DMD: variants seen among roughly 807,000 people sequenced by gnomAD.
DMD encodes dystrophin.
In DMD, 63 loss-of-function variants were observed where a neutral mutation model predicts 330.1. The ratio of observed to expected loss-of-function variants is 0.19; its 90% confidence interval spans 0.16 to 0.24. The LOEUF (loss-of-function observed/expected upper bound fraction) is 0.24, where lower values mean the gene tolerates loss of function less well. Ranked by LOEUF, DMD falls within the 10% of genes least tolerant of loss-of-function variation. The probability of loss-of-function intolerance (pLI) is 1.00; values close to 1 mark genes in which losing one functional copy is unlikely to be tolerated. For synonymous variants in DMD, 1,223 were observed against 959.8 expected (o/e 1.27, Z -5.07); for missense variants, 3,344 against 2,684.1 (o/e 1.25, Z -5.43).
At chrX:31,166,146 T>A (rs958267535) in intron 74 of DMD, among the ~76,000 whole-genome samples, 1 of 112,317 alleles carries the variant, frequency 8.9e-6, no homozygotes, top group Non-Finnish European at 1.9e-5. Context: ...TTAAAATAAA[T>A]TCAGCTTCAA....
intron 47 of DMD, among the ~76,000 whole-genome samples, chrX:31,910,005 C>A (rs762428813): frequency 1.8e-5 from 2 of 112,091 alleles, no homozygotes; most frequent in African/African-American, 6.5e-5. Flanking sequence ...AGAAGACTTG[C>A]GAAAGCAAAG....
At chrX:32,006,424 C>G (rs2095661633) in intron 44 of DMD, among the ~76,000 whole-genome samples, 1 of 111,553 alleles carries the variant, frequency 9.0e-6, no homozygotes, top group East Asian at 2.8e-4. Context: ...TATTCCAAGT[C>G]TAAAAATAAT....
chrX:32,918,092 T>C (rs886962351), intron 2 of DMD, among the ~76,000 whole-genome samples: 1 of 111,181 alleles, frequency 9.0e-6, no homozygotes, highest in African/African-American at 3.3e-5. Flanking sequence ...GTTCGACCTA[T>C]TGTGCTGAAG....
rs369223666 is a variant in DMD at position 32,565,864 on chromosome X, T to C, written c.1830A>G (p.Leu610=). ...LQKLAVLKAD[L]EKKKQSMGKL... is the part of the protein sequence containing the mutation. ...TGCCCATGGATTGCTTTTTCTTTTC[T>C]AGATCCGCTTTTAAAACCTGTTAAA... is the stretch of plus-strand genomic sequence containing the variant. Residue 610 remains leucine, a synonymous_variant, in exon 16 of 79, where the codon CTA becomes CTG. Coordinates refer to ENST00000357033, the MANE Select transcript of DMD (RefSeq NM_004006.3). The C allele has an allele frequency of 8.3e-6, 10 of 1,209,132 alleles. No homozygotes were observed. The highest frequency in any genetic ancestry group is 3.5e-5 in the African/African-American group (2 of 57,242).
At chrX:32,375,638 C>A (rs1050825688) in intron 34 of DMD, among the ~76,000 whole-genome samples, 3 of 111,514 alleles carry the variant, frequency 2.7e-5, no homozygotes, top group Non-Finnish European at 5.7e-5. Flanking sequence ...TGTTCATATC[C>A]CACCCAATTC....
At chrX:31,690,052 G>C (rs1053772306) in intron 52 of DMD, among the ~76,000 whole-genome samples, 12 of 111,923 alleles carry the variant, frequency 1.1e-4, no homozygotes, top group Non-Finnish European at 2.1e-4. Context: ...TCAGGACGTA[G>C]GCATGGGCAA....
intron 52 of DMD, among the ~76,000 whole-genome samples, chrX:31,721,718 C>CTCTCTCTATATATA (rs1227959078): frequency 1.8e-5 from 1 of 56,497 alleles, no homozygotes. Flanking sequence ...CTCTCTCTCT[C>CTCTCTCTATATATA]TATATATATA....
intron 61 of DMD, among the ~76,000 whole-genome samples, chrX:31,341,891 G>GCGCGCGCGCACACACACACACACACA (rs374298104): frequency 6.1e-4 from 60 of 98,881 alleles, no homozygotes; most frequent in Middle Eastern, 5.4e-3. Context: ...GTGCGCGCGC[G>GCGCGCGCGCACACACACACACACACA]CACACACACA....
At position 32,446,732 on chromosome X, in the gene DMD, G is replaced by A. The variant is rs766405306; in HGVS notation, c.3786+1724C>T. On this transcript the variant is annotated intron_variant, in intron 27 of 78. Coordinates refer to ENST00000357033, the MANE Select transcript of DMD (RefSeq NM_004006.3). ...ATGAAATATGAGGCAACAATAACGC[G>A]GAAAACGGAAGAGGTAGGTTCAGAG... is the stretch of plus-strand genomic sequence containing the variant. Among the ~76,000 whole-genome samples, 7 of 110,374 alleles carry A rather than the reference G, an allele frequency of 6.3e-5. 1 individual carries two copies. In the South Asian group the frequency reaches 1.9e-3, roughly 30 times the overall value.
chrX:31,994,276 G>C (rs1262440272), intron 44 of DMD, among the ~76,000 whole-genome samples: 1 of 111,806 alleles, frequency 8.9e-6, no homozygotes, highest in Non-Finnish European at 1.9e-5. Flanking sequence ...CTAAAAATAA[G>C]AGTGACAGGT....
chrX:32,804,726 C>A (rs2076829411), intron 7 of DMD, among the ~76,000 whole-genome samples: 1 of 112,038 alleles, frequency 8.9e-6, no homozygotes, highest in Non-Finnish European at 1.9e-5. Context: ...CAGGAGAGCT[C>A]TGGCTGGCAA....
intron 50 of DMD, among the ~76,000 whole-genome samples, chrX:31,781,405 G>A (rs760434173): frequency 2.7e-5 from 3 of 111,914 alleles, no homozygotes; most frequent in South Asian, 3.7e-4. Flanking sequence ...ATAATATATG[G>A]TATCCATGAA....
intron 55 of DMD, among the ~76,000 whole-genome samples, chrX:31,607,499 A>T (rs1328546262): frequency 8.9e-6 from 1 of 111,871 alleles, no homozygotes; most frequent in African/African-American, 3.2e-5. Flanking sequence ...TAAAAACTAC[A>T]ACTATACCTA....
At chrX:32,236,716 G>GT (rs1340461153) in intron 43 of DMD, among the ~76,000 whole-genome samples, 1 of 111,832 alleles carries the variant, frequency 8.9e-6, no homozygotes, top group African/African-American at 3.2e-5. Flanking sequence ...GTGTGGAACT[G>GT]TAAGTCCATT....
intron 67 of DMD, among the ~76,000 whole-genome samples, chrX:31,196,193 T>C (rs900782580): frequency 5.4e-5 from 6 of 111,407 alleles, no homozygotes; most frequent in Non-Finnish European, 1.1e-4. Context: ...TTTCTGAAAA[T>C]TGCAGGAATT....
intron 22 of DMD, among the ~76,000 whole-genome samples, chrX:32,469,216 G>A (rs1260168064): frequency 9.1e-6 from 1 of 109,880 alleles, no homozygotes; most frequent in East Asian, 2.9e-4. Context: ...GGGATTCAAG[G>A]ATAGTTTTGT....
chrX:32,385,029 A>G (rs1002654409), intron 33 of DMD, among the ~76,000 whole-genome samples: 1 of 111,243 alleles, frequency 9.0e-6, no homozygotes, highest in Non-Finnish European at 1.9e-5. Flanking sequence ...TTCCAGTGAC[A>G]TTTTTGGCAG....
At chrX:31,789,145 C>T (rs1274804873) in intron 50 of DMD, among the ~76,000 whole-genome samples, 5 of 111,048 alleles carry the variant, frequency 4.5e-5, no homozygotes, top group Admixed American at 1.9e-4. Context: ...TTTTGTAGAT[C>T]CTTTGTTCTA....
intron 44 of DMD, among the ~76,000 whole-genome samples, chrX:32,195,221 AG>A (rs2096993755): frequency 9.0e-6 from 1 of 111,597 alleles, no homozygotes; most frequent in African/African-American, 3.3e-5. Context: ...GAAATAGATG[AG>A]GGCTGGGGAA....
Sources: allele counts gnomAD v4.1 joint callset (sites outside exome capture counted in the v4.1 genomes callset), GRCh38; gene constraint gnomAD v4.1.1; transcripts MANE v1.5; gene names NCBI Gene and HGNC (gene_info 2026-07-23, HGNC 2026-07-21).